Variants in VLDLR observed in about 807,000 individuals in gnomAD.
The protein encoded by VLDLR is very low-density lipoprotein receptor.
VLDLR carries 81 observed loss-of-function variants against 112.7 expected under a neutral mutation model. The ratio of observed to expected loss-of-function variants is 0.72; its 90% CI spans 0.60 to 0.86. The LOEUF is 0.86. Among genes scored for constraint, VLDLR ranks in the 40% least tolerant of loss-of-function variants. The probability of loss-of-function intolerance (pLI) is 0.00; values close to 1 mark genes in which losing one functional copy is unlikely to be tolerated. For missense variants in VLDLR, 1,237 were observed against 1,099.4 expected (o/e 1.13, Z -1.77); for synonymous variants, 436 against 384.8 (o/e 1.13, Z -1.56).
At position 2,645,630 on chromosome 9, in the gene VLDLR, G is replaced by T; in HGVS notation, c.1369G>T (p.Glu457Ter). 1 of 1,614,216 alleles carries T rather than the reference G, an allele frequency of 6.2e-7. No homozygotes were observed. The highest frequency in any genetic ancestry group is 8.5e-7 in the Non-Finnish European group (1 of 1,180,038). Reference sequence around the variant, plus strand: ...AAGAGACATCAGGAAGATTGGCTTAGAGAGGAAAGAATATATCCAACTAGT... The same window carrying T: ...AAGAGACATCAGGAAGATTGGCTTATAGAGGAAAGAATATATCCAACTAGT... Reference protein sequence around the residue: ...NRRDIRKIGLERKEYIQLVEQ... With the variant: ...NRRDIRKIGL Residue 457 changes from glutamate (E) to a stop codon, truncating the protein, a stop_gained, in exon 10 of 19, where the codon GAG becomes TAG. Coordinates refer to ENST00000382100, the MANE Select transcript of VLDLR (RefSeq NM_003383.5). LOFTEE classifies it high-confidence loss of function.
At chr9:2,638,761 T>G (rs2130783864) in intron 2 of VLDLR, among the ~76,000 whole-genome samples, 1 of 152,342 alleles carries the variant, frequency 6.6e-6, no homozygotes, top group African/African-American at 2.4e-5. Context: ...GGGAAAGACC[T>G]GCCCCAGGAA....
At chr9:2,625,509 C>T (rs1358414832) in intron 1 of VLDLR, among the ~76,000 whole-genome samples, 1 of 152,192 alleles carries the variant, frequency 6.6e-6, no homozygotes, top group African/African-American at 2.4e-5. Flanking sequence ...ACTTTGGATA[C>T]TGACTTTCAT....
chr9:2,622,804 G>A (rs999691194), intron 1 of VLDLR, among the ~76,000 whole-genome samples: 1 of 152,132 alleles, frequency 6.6e-6, no homozygotes, highest in Non-Finnish European at 1.5e-5. Context: ...GCTGGCGCAC[G>A]TTCGGTGGGC....
chr9:2,646,112 G>T (rs1438887847), intron 10 of VLDLR, among the ~76,000 whole-genome samples: 1 of 151,760 alleles, frequency 6.6e-6, no homozygotes, highest in East Asian at 1.9e-4. Context: ...TTAGAAATTT[G>T]TTGTTCTTGT....
chr9:2,622,388 C>T (rs990266988), intron 1 of VLDLR, 117 bp downstream of exon 1: 64 of 865,002 alleles, frequency 7.4e-5, no homozygotes, highest in Non-Finnish European at 9.3e-5. Context: ...CTCGGTTCTC[C>T]TCGCCTTCCC....
chr9:2,649,152 T>A (rs533921949), intron 14 of VLDLR, among the ~76,000 whole-genome samples: 1 of 152,158 alleles, frequency 6.6e-6, no homozygotes, highest in Non-Finnish European at 1.5e-5. Context: ...ACTGTTAGTT[T>A]GCTAGGATTT....
Position 2,643,611 on chromosome 9 carries a change from G to T in VLDLR, c.821-17G>T. ...CAATTTGCTGGCTTCATTCCATGGT[G>T]TTTCCTCCCTTTGTAGCCTCTCGAA... On this transcript the variant is annotated splice_polypyrimidine_tract_variant and intron_variant, in intron 5 of 18. Transcript: ENST00000382100. 1 of 1,614,184 alleles carries T rather than the reference G, an allele frequency of 6.2e-7. No homozygotes were observed. Among genetic ancestry groups the T allele is most frequent in the Non-Finnish European group, 8.5e-7 (1 of 1,180,032 alleles).
chr9:2,646,352 G>C lies in VLDLR; in HGVS notation c.1503G>C (p.Lys501Asn), dbSNP rs1412422017. The C allele has an allele frequency of 1.9e-6, 3 of 1,613,998 alleles. No homozygotes were observed. The African/African-American group carries it at 4.0e-5, about 22-fold the overall frequency. ...KAIFSASIDD[K>N]VGRHVKMIDN... ...GTTTCAGTGCCTCAATTGATGACAA[G>C]GTTGGTAGACATGTTAAAATGATCG... The change falls in exon 11 of 19, where the codon AAG becomes AAC. Residue 501 changes from lysine to asparagine, a missense_variant. Lys to Asn is a moderately conservative substitution (Grantham distance 94). Coordinates refer to ENST00000382100, the MANE Select transcript of VLDLR (RefSeq NM_003383.5).
rs1818590652 is a variant in VLDLR, at chr9:2,656,023, C to T, written c.*2155C>T. The T allele has an allele frequency of 6.6e-6, 1 of 151,930 alleles. No individual in the cohort carries two copies. Among genetic ancestry groups the T allele is most frequent in the African/African-American group, 2.4e-5 (1 of 41,300 alleles). The allele number at this position is 151,930 out of a possible 1,614,324, so 9.4% of individuals were successfully genotyped here. On this transcript the variant is annotated 3_prime_UTR_variant, in exon 19 of 19. Transcript: ENST00000382100. Reference sequence around the variant, plus strand: ...TGAAGTTTGATACTATTGCTTTCCCCATTATAAGGATTATACAGTATTAAT... The same window carrying T: ...TGAAGTTTGATACTATTGCTTTCCCTATTATAAGGATTATACAGTATTAAT...
intron 14 of VLDLR, among the ~76,000 whole-genome samples, chr9:2,649,969 G>A (rs1818248252): frequency 6.6e-6 from 1 of 152,080 alleles, no homozygotes; most frequent in Non-Finnish European, 1.5e-5. Flanking sequence ...ACCTTCCTAA[G>A]GCTGAGTTTC....
chr9:2,650,979 G>A (rs1056578046), intron 15 of VLDLR, among the ~76,000 whole-genome samples: 1 of 152,210 alleles, frequency 6.6e-6, no homozygotes, highest in African/African-American at 2.4e-5. Context: ...AGTCATTTGT[G>A]TGATCAAGGA....
In VLDLR at chr9:2,657,127, T is replaced by A. The variant is rs1407802041; in HGVS notation, c.*3259T>A. On this transcript the variant is annotated 3_prime_UTR_variant, in exon 19 of 19. Transcript: ENST00000382100. Reference sequence around the variant, plus strand: ...AACACTGTAGAAATGGTAGACCAACTTAAAGTCTACCTTTTAACAATCTTT... The same window carrying A: ...AACACTGTAGAAATGGTAGACCAACATAAAGTCTACCTTTTAACAATCTTT... 1 of 152,090 alleles carries A rather than the reference T, an allele frequency of 6.6e-6. No individual in the cohort carries two copies. The highest frequency in any genetic ancestry group is 6.6e-5 in the Admixed American group (1 of 15,260). 9.4% of individuals were successfully genotyped at this position (152,090 alleles called of 1,614,324 possible). A position where few individuals can be genotyped will look rare whatever the true frequency, so the allele number is the denominator to read the frequency against.
At chr9:2,641,796 T>A (rs1233662688) in intron 4 of VLDLR, among the ~76,000 whole-genome samples, 2 of 152,170 alleles carry the variant, frequency 1.3e-5, no homozygotes, top group African/African-American at 4.8e-5. Context: ...GGGCTTTTGT[T>A]TTGACAGTAA....
rs71329437 is a variant in VLDLR at position 2,622,146 on chromosome 9, ACGGCGG to A, written c.-24_-19del. 1.2e-3 allele frequency: 1,736 copies of A among 1,392,208 alleles called. 7 individuals carry two copies. The highest frequency in any genetic ancestry group is 4.6e-3 in the South Asian group (323 of 69,596). The allele number at this position is 1,392,208 out of a possible 1,614,324, so 86.2% of individuals were successfully genotyped here. Reference sequence around the variant, plus strand: ...ACTGGTAACTTGTCGTGCGGAGCGAACGGCGGCGGCGGCGGCGGCGGCGGCACCATC... The same window carrying A: ...ACTGGTAACTTGTCGTGCGGAGCGAACGGCGGCGGCGGCGGCGGCACCATC... On this transcript the variant is annotated 5_prime_UTR_variant, in exon 1 of 19. Transcript: ENST00000382100.
At chr9:2,630,881 T>G (rs1817319165) in intron 1 of VLDLR, among the ~76,000 whole-genome samples, 1 of 152,038 alleles carries the variant, frequency 6.6e-6, no homozygotes. Flanking sequence ...ATCAACAAAG[T>G]GAAGAACAAC....
At position 2,657,539 on chromosome 9, in the gene VLDLR, G is replaced by A. The variant is rs1818650404; in HGVS notation, c.*3671G>A. 2.0e-5 allele frequency: 3 copies of A among 151,808 alleles called. No homozygotes were observed. The highest frequency in any genetic ancestry group is 1.3e-4 in the Admixed American group (2 of 15,250). The allele number at this position is 151,808 out of a possible 1,614,324, so 9.4% of individuals were successfully genotyped here. On this transcript the variant is annotated 3_prime_UTR_variant, in exon 19 of 19. Coordinates refer to ENST00000382100, the MANE Select transcript of VLDLR (RefSeq NM_003383.5). ...AGAAGCTTCCCTTATTGTGGGTGAT[G>A]AGGCGGTGCCTAAAAACCACATATA...
rs116687040 is a variant in VLDLR at position 2,643,449 on chromosome 9, C to T, written c.738C>T (p.Cys246=). Reference sequence around the variant, plus strand: ...AGTGTCCAGCCAGCGAAATCCAGTGCGGCTCTGGCGAGTGCATCCATAAGA... The same window carrying T: ...AGTGTCCAGCCAGCGAAATCCAGTGTGGCTCTGGCGAGTGCATCCATAAGA... ...HTKCPASEIQ[C]GSGECIHKKW... The change falls in exon 5 of 19, where the codon TGC becomes TGT. Residue 246 remains cysteine, a synonymous_variant. Transcript: ENST00000382100. 2.0e-4 allele frequency: 324 copies of T among 1,614,176 alleles called. No individual in the cohort carries two copies. The East Asian group carries it at 3.8e-3, about 19-fold the overall frequency.
chr9:2,626,786 TAGAC>T (rs1817110448), intron 1 of VLDLR, among the ~76,000 whole-genome samples: 1 of 141,080 alleles, frequency 7.1e-6, no homozygotes, highest in Non-Finnish European at 1.5e-5. Context: ...GCCTCGGCGA[TAGAC>T]AGCATTTGTG....
chr9:2,652,744 A>G lies in VLDLR; in HGVS notation c.2417-36A>G, dbSNP rs1177536069. On this transcript the variant is annotated intron_variant, in intron 17 of 18. Coordinates refer to ENST00000382100, the MANE Select transcript of VLDLR (RefSeq NM_003383.5). ...CCTTTCTTGTATGTTCCAATACTAG[A>G]CTTAGCTCACTTAGCTACCCTCTGA... The G allele has an allele frequency of 2.5e-6, 4 of 1,613,728 alleles. No individual in the cohort carries two copies. The African/African-American group carries it at 5.3e-5, about 22-fold the overall frequency.
Sources: allele counts gnomAD v4.1 joint callset (sites outside exome capture counted in the v4.1 genomes callset), GRCh38; gene constraint gnomAD v4.1.1; transcripts MANE v1.5; gene names NCBI Gene and HGNC (gene_info 2026-07-23, HGNC 2026-07-21).